PLXDC2: variants seen among roughly 807,000 people sequenced by gnomAD.
The protein encoded by PLXDC2 is plexin domain containing 2.
A neutral mutation model predicts 68.9 loss-of-function variants in PLXDC2; 40 were observed. The observed-to-expected ratio is 0.58, with a 90% CI of 0.45 to 0.76. PLXDC2 has a LOEUF of 0.76. Ranked by LOEUF, PLXDC2 falls within the 30% of genes least tolerant of loss-of-function variation. PLXDC2 has a pLI of 0.00. For missense variants in PLXDC2, 644 were observed against 661.9 expected, an observed-to-expected ratio of 0.97 and a Z score of 0.30; for synonymous variants, 243 against 234.2, an observed-to-expected ratio of 1.04 and a Z score of -0.34.
intron 2 of PLXDC2, among the ~76,000 whole-genome samples, chr10:20,026,281 A>G (rs1381224560): frequency 6.6e-6 from 1 of 152,140 alleles, no homozygotes; most frequent in African/African-American, 2.4e-5. Flanking sequence ...TCTCCTGAAT[A>G]AATGTTTTTA....
chr10:20,146,510 TCCTTCCTTCCTCCCTCCCTCCCTC>T (rs1036967700), intron 5 of PLXDC2, among the ~76,000 whole-genome samples: 1 of 145,252 alleles, frequency 6.9e-6, no homozygotes, highest in African/African-American at 2.5e-5. Flanking sequence ...CTTCCTTCCT[TCCTTCCTTCCTCCCTCCCTCCCTC>T]CCTCCCTCCC....
intron 2 of PLXDC2, among the ~76,000 whole-genome samples, chr10:20,011,632 C>G (rs945888249): frequency 6.6e-6 from 1 of 152,108 alleles, no homozygotes; most frequent in African/African-American, 2.4e-5. Flanking sequence ...CCATATCAAT[C>G]GATTAGGCCT....
At chr10:19,852,261 AGGCATGCT>A (rs1447949859) in intron 1 of PLXDC2, among the ~76,000 whole-genome samples, 1 of 151,678 alleles carries the variant, frequency 6.6e-6, no homozygotes, top group Non-Finnish European at 1.5e-5. Flanking sequence ...AAAATTAGCC[AGGCATGCT>A]GGCTCATGCC....
intron 1 of PLXDC2, among the ~76,000 whole-genome samples, chr10:19,834,238 T>C (rs1836746869): frequency 1.3e-5 from 2 of 152,178 alleles, no homozygotes; most frequent in African/African-American, 2.4e-5. Flanking sequence ...ACAGGTATAG[T>C]GTCCAGGTTT....
At chr10:20,167,151 CTA>C (rs1370442694) in intron 7 of PLXDC2, among the ~76,000 whole-genome samples, 1 of 152,096 alleles carries the variant, frequency 6.6e-6, no homozygotes, top group African/African-American at 2.4e-5. Context: ...TTAGATGCGA[CTA>C]TATTTATGCA....
At chr10:20,214,465 G>A (rs1374830389) in intron 10 of PLXDC2, among the ~76,000 whole-genome samples, 1 of 152,060 alleles carries the variant, frequency 6.6e-6, no homozygotes, top group East Asian at 1.9e-4. Flanking sequence ...CTGCTGCAAG[G>A]CTTGTTCTCT....
intron 13 of PLXDC2, among the ~76,000 whole-genome samples, chr10:20,271,648 T>C (rs1835942191): frequency 6.6e-6 from 1 of 152,088 alleles, no homozygotes; most frequent in African/African-American, 2.4e-5. Context: ...TACCCAGAAT[T>C]GATGGTCAGA....
chr10:20,159,098 T>C (rs1834256713), intron 6 of PLXDC2, among the ~76,000 whole-genome samples: 1 of 152,134 alleles, frequency 6.6e-6, no homozygotes, highest in Non-Finnish European at 1.5e-5. Context: ...TGGAGAACAT[T>C]TGAAGCCAGT....
intron 9 of PLXDC2, among the ~76,000 whole-genome samples, chr10:20,206,504 A>G (rs1235282764): frequency 6.6e-6 from 1 of 152,006 alleles, no homozygotes; most frequent in Non-Finnish European, 1.5e-5. Flanking sequence ...AGGTAGAGTC[A>G]TGAAAGAGCA....
intron 1 of PLXDC2, among the ~76,000 whole-genome samples, chr10:19,886,678 G>A (rs1189716081): frequency 6.6e-6 from 1 of 152,074 alleles, no homozygotes; most frequent in Non-Finnish European, 1.5e-5. Flanking sequence ...ATACTGAATG[G>A]GCAAAAACTG....
chr10:20,219,202 T>C (rs997585383), intron 12 of PLXDC2, 100 bp downstream of exon 12: 32 of 1,259,862 alleles, frequency 2.5e-5, no homozygotes, highest in Non-Finnish European at 3.5e-5. Context: ...AGATAAAAGG[T>C]GAGGTTGTGT....
chr10:20,104,553 A>G (rs1200118206), intron 4 of PLXDC2, among the ~76,000 whole-genome samples: 1 of 152,196 alleles, frequency 6.6e-6, no homozygotes, highest in Non-Finnish European at 1.5e-5. Flanking sequence ...TGAAAGTAGC[A>G]ACTCTTTACT....
chr10:20,068,136 T>G, intron 3 of PLXDC2, 34 bp from the exon 4 acceptor site: 3 of 1,558,494 alleles, frequency 1.9e-6, no homozygotes, highest in Non-Finnish European at 2.7e-6. Context: ...TGCTACACAT[T>G]ATTGATTTTT....
At chr10:19,915,779 A>C (rs1833354551) in intron 1 of PLXDC2, among the ~76,000 whole-genome samples, 1 of 152,092 alleles carries the variant, frequency 6.6e-6, no homozygotes, top group Non-Finnish European at 1.5e-5. Flanking sequence ...GGGTGGACTA[A>C]GGCAAAATAT....
intron 1 of PLXDC2, among the ~76,000 whole-genome samples, chr10:19,969,024 C>T (rs1173184906): frequency 6.6e-6 from 1 of 152,232 alleles, no homozygotes; most frequent in African/African-American, 2.4e-5. Context: ...TGAAGAACCT[C>T]ACAGCTTTAT....
intron 4 of PLXDC2, among the ~76,000 whole-genome samples, chr10:20,086,907 G>T (rs997109331): frequency 1.3e-5 from 2 of 152,244 alleles, no homozygotes; most frequent in South Asian, 2.1e-4. Flanking sequence ...TCTCTCCAAA[G>T]ATTAAAGCCT....
At chr10:19,886,437 G>A (rs1473384510) in intron 1 of PLXDC2, among the ~76,000 whole-genome samples, 4 of 152,216 alleles carry the variant, frequency 2.6e-5, no homozygotes, top group East Asian at 1.9e-4. Flanking sequence ...ATGATCAAGT[G>A]GGCTTCATCC....
At chr10:19,997,074 C>T (rs570131386) in intron 1 of PLXDC2, among the ~76,000 whole-genome samples, 2 of 152,296 alleles carry the variant, frequency 1.3e-5, no homozygotes, top group African/African-American at 4.8e-5. Flanking sequence ...ACACAAAAGT[C>T]TTCCTCAGAG....
intron 1 of PLXDC2, among the ~76,000 whole-genome samples, chr10:19,956,700 C>T (rs1031930891): frequency 6.6e-5 from 10 of 152,210 alleles, no homozygotes; most frequent in African/African-American, 2.4e-4. Context: ...GTATCTGTCT[C>T]ACATATTTAT....
Sources: gnomAD v4.1 joint callset for allele counts (sites outside exome capture counted in the v4.1 genomes callset) on GRCh38, gnomAD v4.1.1 for gene constraint, MANE v1.5 for transcripts, NCBI Gene and HGNC (gene_info 2026-07-23, HGNC 2026-07-21) for gene names.